The following NCAM2 variants were observed in gnomAD, a reference collection of about 807,000 sequenced individuals.
NCAM2 encodes N-CAM-2.
In NCAM2, 30 loss-of-function variants were observed where a neutral mutation model predicts 98.1. The ratio of observed to expected loss-of-function variants is 0.31; its 90% confidence interval spans 0.23 to 0.41. The LOEUF (loss-of-function observed/expected upper bound fraction) is 0.41, where lower values mean the gene tolerates loss of function less well. Ranked by LOEUF, NCAM2 falls within the 10% of genes least tolerant of loss-of-function variation. NCAM2 has a pLI of 1.00. For missense variants in NCAM2, 867 were observed against 1,005.8 expected, an observed-to-expected ratio of 0.86 and a Z score of 1.87; for synonymous variants, 368 against 342.4, an observed-to-expected ratio of 1.07 and a Z score of -0.83.
chr21:21,473,818 T>C (rs1602446028), intron 14 of NCAM2, among the ~76,000 whole-genome samples: 1 of 150,980 alleles, frequency 6.6e-6, no homozygotes, highest in East Asian at 2.0e-4. Flanking sequence ...TGATAGCCAA[T>C]ACTTTCCTGA....
intron 1 of NCAM2, among the ~76,000 whole-genome samples, chr21:21,092,248 C>A (rs2066028539): frequency 6.6e-6 from 1 of 151,832 alleles, no homozygotes; most frequent in African/African-American, 2.4e-5. Flanking sequence ...GTGGTAGATA[C>A]AAAACTTCAA....
chr21:21,189,493 A>G (rs2068749169), intron 1 of NCAM2, among the ~76,000 whole-genome samples: 1 of 152,188 alleles, frequency 6.6e-6, no homozygotes, highest in Non-Finnish European at 1.5e-5. Context: ...TGGGAGGCCA[A>G]GGCAGGAGGA....
chr21:21,193,951 T>C (rs185604027), intron 1 of NCAM2, among the ~76,000 whole-genome samples: 86 of 152,292 alleles, frequency 5.6e-4, no homozygotes, highest in African/African-American at 1.9e-3. Flanking sequence ...TTGATGATAC[T>C]TTTTTACTGA....
At chr21:21,495,211 A>G (rs900296763) in intron 15 of NCAM2, among the ~76,000 whole-genome samples, 8 of 152,016 alleles carry the variant, frequency 5.3e-5, no homozygotes, top group Non-Finnish European at 1.0e-4. Flanking sequence ...ATACAATTTC[A>G]TAGTATTTTA....
intron 15 of NCAM2, among the ~76,000 whole-genome samples, chr21:21,490,233 A>G (rs1280949727): frequency 2.0e-5 from 3 of 149,668 alleles, no homozygotes; most frequent in Non-Finnish European, 4.4e-5. Context: ...AAAAAAAACA[A>G]TATCCAAGAA....
At chr21:21,029,430 A>T (rs1378723409) in intron 1 of NCAM2, among the ~76,000 whole-genome samples, 2 of 152,108 alleles carry the variant, frequency 1.3e-5, no homozygotes, top group African/African-American at 4.8e-5. Context: ...CTGTGCTGGG[A>T]TGCCTGCCAA....
intron 16 of NCAM2, among the ~76,000 whole-genome samples, chr21:21,530,332 AT>A (rs1324626508): frequency 1.2e-4 from 3 of 24,202 alleles, no homozygotes; most frequent in East Asian, 1.1e-3. Context: ...ATTAAATTAA[AT>A]TATACATAAT....
chr21:21,514,968 C>T (rs1162740123), intron 16 of NCAM2, among the ~76,000 whole-genome samples: 1 of 152,052 alleles, frequency 6.6e-6, no homozygotes, highest in African/African-American at 2.4e-5. Flanking sequence ...GATCGTTTTG[C>T]TAGTCTTGAC....
At chr21:21,175,759 G>A (rs2068265331) in intron 1 of NCAM2, among the ~76,000 whole-genome samples, 1 of 152,116 alleles carries the variant, frequency 6.6e-6, no homozygotes, top group African/African-American at 2.4e-5. Flanking sequence ...ATGGAGAGAA[G>A]AGATTTGTGA....
intron 1 of NCAM2, among the ~76,000 whole-genome samples, chr21:21,092,603 C>A (rs1255349634): frequency 6.6e-6 from 1 of 151,822 alleles, no homozygotes; most frequent in Non-Finnish European, 1.5e-5. Context: ...ATTATGTCAA[C>A]TGAATATCAA....
intron 15 of NCAM2, among the ~76,000 whole-genome samples, chr21:21,498,022 T>C (rs778237778): frequency 7.9e-5 from 12 of 152,132 alleles, no homozygotes; most frequent in Non-Finnish European, 1.5e-4. Flanking sequence ...CTGGAAATTA[T>C]GTAAAATGAT....
chr21:21,219,029 G>A lies in NCAM2; in HGVS notation c.56-61549G>A, dbSNP rs139446092. Among the ~76,000 whole-genome samples, 349 of 152,320 alleles carry A rather than the reference G, an allele frequency of 2.3e-3. 2 individuals carry two copies. The highest frequency in any genetic ancestry group is 7.8e-3 in the African/African-American group (323 of 41,590). ...TTGCACTCCAGCCTGGGCGATGAGC[G>A]TGAAACAAGCTTGTGTTGTTTACCA... On this transcript the variant is annotated intron_variant, in intron 1 of 17. Coordinates refer to ENST00000400546, the MANE Select transcript of NCAM2 (RefSeq NM_004540.5).
At chr21:21,351,752 T>A (rs1445147657) in intron 8 of NCAM2, among the ~76,000 whole-genome samples, 1 of 152,190 alleles carries the variant, frequency 6.6e-6, no homozygotes, top group Non-Finnish European at 1.5e-5. Context: ...TGTTTTGTTT[T>A]GTTTTGTTTT....
intron 15 of NCAM2, among the ~76,000 whole-genome samples, chr21:21,500,550 A>G (rs928577942): frequency 6.6e-6 from 1 of 151,918 alleles, no homozygotes; most frequent in African/African-American, 2.4e-5. Context: ...CTTTTTTTCT[A>G]CCTGTAATTA....
chr21:21,017,349 C>T (rs531849136), intron 1 of NCAM2, among the ~76,000 whole-genome samples: 2 of 135,876 alleles, frequency 1.5e-5, no homozygotes, highest in African/African-American at 5.5e-5. Context: ...TCACTTGAAC[C>T]CAGGAGGTGG....
chr21:21,007,698 A>T (rs1463825401), intron 1 of NCAM2, among the ~76,000 whole-genome samples: 4 of 152,074 alleles, frequency 2.6e-5, no homozygotes, highest in Admixed American at 1.3e-4. Context: ...AGCTGTGAGG[A>T]TGACCAGAGG....
intron 1 of NCAM2, among the ~76,000 whole-genome samples, chr21:21,276,514 A>C (rs987950072): frequency 1.3e-5 from 2 of 152,034 alleles, no homozygotes; most frequent in Non-Finnish European, 2.9e-5. Context: ...ATAGCTATCA[A>C]ATGTTTCATT....
intron 1 of NCAM2, among the ~76,000 whole-genome samples, chr21:21,235,693 G>A (rs2070791515): frequency 6.6e-6 from 1 of 151,986 alleles, no homozygotes; most frequent in African/African-American, 2.4e-5. Context: ...AGAAGCTGTA[G>A]ATGAAACTTT....
At chr21:21,240,186 A>G (rs2071008771) in intron 1 of NCAM2, among the ~76,000 whole-genome samples, 1 of 152,162 alleles carries the variant, frequency 6.6e-6, no homozygotes, top group East Asian at 1.9e-4. Context: ...TTTAAAAGGG[A>G]CTATGTCAAA....
Sources: gnomAD v4.1 joint callset for allele counts (sites outside exome capture counted in the v4.1 genomes callset) on GRCh38, gnomAD v4.1.1 for gene constraint, MANE v1.5 for transcripts, NCBI Gene and HGNC (gene_info 2026-07-23, HGNC 2026-07-21) for gene names.